TOP1MT: variants seen among roughly 807,000 people sequenced by gnomAD.
TOP1MT encodes the protein DNA topoisomerase I mitochondrial.
In TOP1MT, 80 loss-of-function variants were observed where a neutral mutation model predicts 73.9. The ratio of observed to expected loss-of-function variants is 1.08; its 90% CI spans 0.90 to 1.30. The LOEUF is 1.30. Ranked by LOEUF, TOP1MT falls within the 50% of genes most tolerant of loss-of-function variation. TOP1MT has a pLI of 0.00. For missense variants in TOP1MT, 815 were observed against 808.0 expected, an observed-to-expected ratio of 1.01 and a Z score of -0.10; for synonymous variants, 338 against 326.4, an observed-to-expected ratio of 1.04 and a Z score of -0.38.
At chr8:143,319,832 T>TC (rs1178739981) in intron 8 of TOP1MT, among the ~76,000 whole-genome samples, 13 of 150,892 alleles carry the variant, frequency 8.6e-5, no homozygotes, top group Admixed American at 2.6e-4. Context: ...TTTTTTTTTT[T>TC]AGAACGGTCT....
intron 13 of TOP1MT, 75 bp from the exon 14 acceptor site, chr8:143,309,618 G>C (rs1815947043): frequency 2.5e-6 from 4 of 1,596,186 alleles, no homozygotes; most frequent in African/African-American, 1.3e-5. Context: ...TGCTCGGCAA[G>C]GGCGAGCGTC....
At chr8:143,332,668 G>A (rs1487292431) in intron 1 of TOP1MT, 2 of 874,644 alleles carry the variant, frequency 2.3e-6, no homozygotes, top group African/African-American at 1.7e-5. Flanking sequence ...CTGCAGAGGA[G>A]GGAATGGGCA....
chr8:143,322,212 CCA>C (rs1171081338), intron 7 of TOP1MT, among the ~76,000 whole-genome samples: 3 of 73,724 alleles, frequency 4.1e-5, no homozygotes, highest in Non-Finnish European at 5.3e-5. Flanking sequence ...CACAGGCACG[CCA>C]CACACAGGCA....
At chr8:143,322,895 ACG>A (rs1816537553) in intron 7 of TOP1MT, among the ~76,000 whole-genome samples, 1 of 117,292 alleles carries the variant, frequency 8.5e-6, no homozygotes, top group Non-Finnish European at 1.7e-5. Flanking sequence ...CGCACGCCAC[ACG>A]CACGCCACAC....
upstream of TOP1MT, among the ~76,000 whole-genome samples, chr8:143,348,687 G>A (rs1311671898): frequency 6.6e-6 from 1 of 152,214 alleles, no homozygotes; most frequent in Admixed American, 6.5e-5. This position sits in a 1 kb window ranked among gnomAD's most constrained non-coding sequence, Gnocchi z 4.6. Context: ...GGTGGTGACA[G>A]GGAGAGTCAG....
At chr8:143,312,122 A>T (rs10088412) in intron 12 of TOP1MT, among the ~76,000 whole-genome samples, 1 of 152,002 alleles carries the variant, frequency 6.6e-6, no homozygotes, top group Non-Finnish European at 1.5e-5. Context: ...TGAGCCCAGG[A>T]GTTCAAGACC....
At position 143,344,216 on chromosome 8, in the gene TOP1MT, C is replaced by T. The variant is rs1458387334; in HGVS notation, c.-39+700G>A. 3 of 152,310 alleles carry T rather than the reference C, an allele frequency of 2.0e-5. No individual in the cohort carries two copies. The highest frequency in any genetic ancestry group is 1.9e-4 in the East Asian group (1 of 5,172). 9.4% of individuals were successfully genotyped at this position (152,310 alleles called of 1,614,324 possible). On this transcript the variant is annotated intron_variant, in intron 1 of 5. Transcript: ENST00000518007. The surrounding 1 kb of genome is among the most constrained non-coding windows in gnomAD (Gnocchi z 4.6). ...GACAGAAGGAGCCGCTTCACCGAAA[C>T]GAGAGGACTAGGGAGGGAAGGGCAG...
intron 10 of TOP1MT, among the ~76,000 whole-genome samples, chr8:143,316,461 G>A: frequency 6.6e-6 from 1 of 150,826 alleles, no homozygotes; most frequent in East Asian, 2.0e-4. Context: ...GCTTCCCCTG[G>A]CGAGTCTGTG....
chr8:143,321,989 C>T (rs1363294823), intron 7 of TOP1MT, among the ~76,000 whole-genome samples: 2 of 61,062 alleles, frequency 3.3e-5, no homozygotes, highest in Non-Finnish European at 7.3e-5. Flanking sequence ...GCACGCCACA[C>T]ACATGCACGC....
At chr8:143,359,424 G>A (rs1236000968), upstream of TOP1MT, 5 of 985,256 alleles carry the variant, frequency 5.1e-6, no homozygotes, top group Non-Finnish European at 6.0e-6. Context: ...AAGACAGAGC[G>A]GAATCCCATC....
upstream of TOP1MT, among the ~76,000 whole-genome samples, chr8:143,357,205 T>C (rs1817424908): frequency 6.7e-6 from 1 of 150,282 alleles, no homozygotes; most frequent in South Asian, 2.1e-4. Context: ...CGTTCTAGAC[T>C]AGGCTGGGCA....
At chr8:143,329,563 T>C (rs1816797293) in intron 2 of TOP1MT, 92 bp from the exon 3 acceptor site, 2 of 1,438,822 alleles carry the variant, frequency 1.4e-6, no homozygotes, top group Admixed American at 4.8e-5. Context: ...TACGCTTTCG[T>C]GCGTACTATG....
chr8:143,339,705 C>G (rs1241422710), upstream of TOP1MT, among the ~76,000 whole-genome samples: 1 of 152,086 alleles, frequency 6.6e-6, no homozygotes, highest in Admixed American at 6.5e-5. Flanking sequence ...CTGGTCTACA[C>G]AGCACTCCCC....
chr8:143,310,221 G>A lies in TOP1MT; in HGVS notation c.1554-4C>T, dbSNP rs371566681. 4.5e-6 allele frequency: 7 copies of A among 1,545,864 alleles called. No individual in the cohort carries two copies. The South Asian group carries it at 4.8e-5, about 11-fold the overall frequency. On this transcript the variant is annotated splice_region_variant and splice_polypyrimidine_tract_variant and intron_variant, in intron 12 of 13. Coordinates refer to ENST00000329245, the MANE Select transcript of TOP1MT (RefSeq NM_052963.3). Reference sequence around the variant, plus strand: ...CCGCCTCTTCTTCTCCAGGACACTGGCAAGAGAAGAGGAGGCCGCGAGGCC... The same window carrying A: ...CCGCCTCTTCTTCTCCAGGACACTGACAAGAGAAGAGGAGGCCGCGAGGCC...
upstream of TOP1MT, among the ~76,000 whole-genome samples, chr8:143,349,860 C>T (rs143732658): frequency 2.0e-3 from 306 of 152,248 alleles, 1 homozygote; most frequent in African/African-American, 6.9e-3. Context: ...AGGCTGGTCT[C>T]GAACTCCTGA....
At position 143,310,191 on chromosome 8, in the gene TOP1MT, A is replaced by G. The variant is rs1417242088; in HGVS notation, c.1580T>C (p.Leu527Pro). The change falls in exon 13 of 14, where the codon CTG (leucine) becomes CCG (proline). Residue 527 changes from leucine to proline, a missense_variant. This residue lies in a region of TOP1MT where 751 missense variants were observed against 725.4 expected (regional missense o/e 1.04). Transcript: ENST00000329245. ...CGCCAGCTGCTCCTGCAGCTTCTCC[A>G]GGAGCCGCCTCTTCTTCTCCAGGAC... ...RSVLEKKRRL[L>P]EKLQEQLAQL... The G allele has an allele frequency of 6.3e-7, 1 of 1,594,900 alleles. No homozygotes were observed. The highest frequency in any genetic ancestry group is 1.3e-5 in the African/African-American group (1 of 74,332).
At chr8:143,324,167 G>T (rs776656218) in intron 6 of TOP1MT, 25 bp from the exon 7 acceptor site, 2 of 1,611,000 alleles carry the variant, frequency 1.2e-6, no homozygotes, top group Admixed American at 3.3e-5. Context: ...TAACAGGAAA[G>T]AAAACATTCA....
intron 1 of TOP1MT, 104 bp downstream of exon 1, chr8:143,334,636 G>T (rs919858634): frequency 1.3e-6 from 2 of 1,496,316 alleles, no homozygotes; most frequent in Non-Finnish European, 9.0e-7. Context: ...TGGGAAAACC[G>T]GAAGCAGGGC....
intron 7 of TOP1MT, among the ~76,000 whole-genome samples, chr8:143,322,871 ACGCACGCAACACACGCACGC>A (rs1816535098): frequency 1.9e-5 from 2 of 105,420 alleles, no homozygotes; most frequent in African/African-American, 3.9e-5. Flanking sequence ...CGCACGCCAC[ACGCACGCAACACACGCACGC>A]CACACGCACG....
Sources: allele counts gnomAD v4.1 joint callset (sites outside exome capture counted in the v4.1 genomes callset), GRCh38; gene constraint gnomAD v4.1.1; regional missense constraint gnomAD v4.1.1; non-coding constraint Gnocchi (gnomAD v3.1); transcripts MANE v1.5; gene names NCBI Gene and HGNC (gene_info 2026-07-23, HGNC 2026-07-21).